MGAT4C: variants seen among roughly 807,000 people sequenced by gnomAD.
MGAT4C encodes the protein MGAT4 family member C.
Under a neutral mutation model 40.1 loss-of-function variants are expected in MGAT4C, and 19 were observed. The ratio of observed to expected loss-of-function variants is 0.47; its 90% CI spans 0.33 to 0.70. The LOEUF is 0.70. MGAT4C is among the 30% of genes least tolerant of loss of function. MGAT4C has a pLI of 0.02. For synonymous variants in MGAT4C, 181 were observed against 187.1 expected (o/e 0.97, Z 0.27); for missense variants, 491 against 563.2 (o/e 0.87, Z 1.30).
intron 1 of MGAT4C, among the ~76,000 whole-genome samples, chr12:86,248,573 T>A (rs751379967): frequency 6.6e-6 from 1 of 152,140 alleles, no homozygotes; most frequent in Non-Finnish European, 1.5e-5. Flanking sequence ...TACAGGCAAG[T>A]GAGAAGCGGT....
intron 2 of MGAT4C, among the ~76,000 whole-genome samples, chr12:86,542,175 G>C (rs957117332): frequency 6.6e-6 from 1 of 152,084 alleles, no homozygotes; most frequent in African/African-American, 2.4e-5. Flanking sequence ...GGGAAATAGG[G>C]CTCAGTGATA....
chr12:86,492,493 G>C (rs570970980), intron 2 of MGAT4C, among the ~76,000 whole-genome samples: 1 of 151,850 alleles, frequency 6.6e-6, no homozygotes, highest in Non-Finnish European at 1.5e-5. Context: ...ATAACACCGC[G>C]TATCTACAGC....
chr12:86,277,066 C>G (rs1227210353), intron 4 of MGAT4C, among the ~76,000 whole-genome samples: 1 of 152,100 alleles, frequency 6.6e-6, no homozygotes, highest in Non-Finnish European at 1.5e-5. Flanking sequence ...TATGAGAGTT[C>G]CCTTTCTCTA....
rs565890898 is a variant in MGAT4C, at chr12:86,829,079, CTTTG to C, written c.-262+9583_-262+9586del. On this transcript the variant is annotated intron_variant, in intron 1 of 7. Coordinates refer to the MGAT4C transcript ENST00000548651. Reference sequence around the variant, plus strand: ...TCAGATATTAATAAAAAATGGAAAACTTTGTTTGTTGCCTCACCGAAGAGTAATT... The same window carrying C: ...TCAGATATTAATAAAAAATGGAAAACTTTGTTGCCTCACCGAAGAGTAATT... Among the ~76,000 whole-genome samples the C allele has an allele frequency of 2.0e-4, 30 of 151,572 alleles. No homozygotes were observed. In the East Asian group the frequency reaches 5.3e-3, roughly 27 times the overall value.
Position 86,797,851 on chromosome 12 carries a change from T to A in MGAT4C, c.-262+40815A>T, listed in dbSNP as rs1018467013. 2.6e-5 allele frequency among the ~76,000 whole-genome samples: 4 copies of A among 152,010 alleles called. No individual in the cohort carries two copies. The Admixed American group carries it at 2.6e-4, about 10-fold the overall frequency. On this transcript the variant is annotated intron_variant, in intron 1 of 7. Transcript: ENST00000548651. The stretch of plus-strand genomic sequence containing the variant: ...TAGTTACTGACACTATACCAGCATC[T>A]TAGAATAAAGTCTGCCTTTCTTTAA...
intron 1 of MGAT4C, among the ~76,000 whole-genome samples, chr12:86,115,538 T>A (rs1469906697): frequency 3.3e-5 from 5 of 152,082 alleles, no homozygotes; most frequent in Non-Finnish European, 5.9e-5. Context: ...TAGAGAACAT[T>A]AACTGTTGTT....
intron 1 of MGAT4C, among the ~76,000 whole-genome samples, chr12:86,138,167 CTTTCCGCTACCAGCT>C (rs1882243802): frequency 6.6e-6 from 1 of 152,048 alleles, no homozygotes; most frequent in South Asian, 2.1e-4. Context: ...CTCTTCCTTG[CTTTCCGCTACCAGCT>C]TTTCCTTCTT....
intron 1 of MGAT4C, among the ~76,000 whole-genome samples, chr12:86,201,759 T>C (rs543963308): frequency 6.6e-6 from 1 of 151,986 alleles, no homozygotes; most frequent in Admixed American, 6.6e-5. Flanking sequence ...ACAAACATTC[T>C]AACAATATAT....
chr12:86,541,313 A>C (rs1013625806), intron 2 of MGAT4C, among the ~76,000 whole-genome samples: 39 of 152,294 alleles, frequency 2.6e-4, no homozygotes, highest in Admixed American at 1.2e-3. Context: ...AATCAGACTA[A>C]ATTTATGAAA....
At chr12:86,248,957 A>G (rs1952155826) in intron 1 of MGAT4C, among the ~76,000 whole-genome samples, 1 of 152,190 alleles carries the variant, frequency 6.6e-6, no homozygotes, top group Non-Finnish European at 1.5e-5. Flanking sequence ...TGTAAATCAC[A>G]TGCCACTTGA....
At chr12:86,327,861 T>C (rs929459842) in intron 4 of MGAT4C, among the ~76,000 whole-genome samples, 1 of 152,140 alleles carries the variant, frequency 6.6e-6, no homozygotes, top group African/African-American at 2.4e-5. Flanking sequence ...TTCCATAGCA[T>C]GGGATCAATG....
At chr12:86,599,918 TTTTTGTTTTG>T (rs368556647) in intron 2 of MGAT4C, among the ~76,000 whole-genome samples, 257 of 152,302 alleles carry the variant, frequency 1.7e-3, no homozygotes, top group African/African-American at 5.8e-3. Context: ...CAGTGGTTTT[TTTTTGTTTTG>T]TTTTGTTTTG....
intron 1 of MGAT4C, among the ~76,000 whole-genome samples, chr12:86,232,429 T>C (rs908106671): frequency 1.3e-5 from 2 of 152,178 alleles, no homozygotes; most frequent in Non-Finnish European, 2.9e-5. Flanking sequence ...GGAAAAACAG[T>C]GTAACAGAGT....
At chr12:86,628,407 T>C (rs1285109876) in intron 2 of MGAT4C, among the ~76,000 whole-genome samples, 1 of 152,104 alleles carries the variant, frequency 6.6e-6, no homozygotes, top group Non-Finnish European at 1.5e-5. Flanking sequence ...ACCACAAAGA[T>C]ACTCCTCGAG....
At chr12:86,589,482 G>A (rs1462139027) in intron 2 of MGAT4C, among the ~76,000 whole-genome samples, 1 of 151,870 alleles carries the variant, frequency 6.6e-6, no homozygotes, top group East Asian at 1.9e-4. Flanking sequence ...GTACAAGGAG[G>A]AACTGGTACC....
chr12:86,803,735 A>T (rs1448652499), intron 1 of MGAT4C, among the ~76,000 whole-genome samples: 111 of 150,666 alleles, frequency 7.4e-4, no homozygotes, highest in Non-Finnish European at 1.4e-3. Flanking sequence ...CACACCAGTT[A>T]GAATGGCAAT....
chr12:86,530,756 TA>T (rs1160180585), intron 2 of MGAT4C, among the ~76,000 whole-genome samples: 6 of 152,040 alleles, frequency 3.9e-5, no homozygotes, highest in African/African-American at 1.4e-4. Flanking sequence ...AATGCCATCC[TA>T]GGAATCCAAT....
intron 3 of MGAT4C, among the ~76,000 whole-genome samples, chr12:86,420,152 G>T (rs919427303): frequency 1.3e-5 from 2 of 151,766 alleles, no homozygotes; most frequent in Non-Finnish European, 2.9e-5. Flanking sequence ...GTGGGGTGGG[G>T]GAATTGCTTG....
chr12:86,391,922 T>G (rs993194768), intron 3 of MGAT4C, among the ~76,000 whole-genome samples: 2 of 152,128 alleles, frequency 1.3e-5, no homozygotes, highest in African/African-American at 4.8e-5. Context: ...TTAATTTGAG[T>G]TCCACTCTAA....
Sources: gnomAD v4.1 joint callset for allele counts (sites outside exome capture counted in the v4.1 genomes callset) on GRCh38, gnomAD v4.1.1 for gene constraint, MANE v1.5 for transcripts, NCBI Gene and HGNC (gene_info 2026-07-23, HGNC 2026-07-21) for gene names.